The following TMEM163 variants were observed in gnomAD, a reference collection of about 807,000 sequenced individuals.
TMEM163 encodes transmembrane protein 163.
TMEM163 carries 17 observed loss-of-function variants against 29.3 expected under a neutral mutation model. That is an observed-to-expected ratio of 0.58 (90% CI 0.40 to 0.87). The LOEUF is 0.87. Among genes scored for constraint, TMEM163 ranks in the 40% least tolerant of loss-of-function variants. The pLI is 0.00. For synonymous variants in TMEM163, 157 were observed against 160.6 expected (o/e 0.98, Z 0.17); for missense variants, 303 against 381.5 (o/e 0.79, Z 1.71).
chr2:134,564,258 C>CA (rs1425239431), intron 2 of TMEM163, among the ~76,000 whole-genome samples: 1 of 152,148 alleles, frequency 6.6e-6, no homozygotes, highest in East Asian at 1.9e-4. Flanking sequence ...TTATATATTT[C>CA]AAAAGTACCC....
At chr2:134,650,179 G>T (rs1239584240) in intron 2 of TMEM163, among the ~76,000 whole-genome samples, 1 of 151,902 alleles carries the variant, frequency 6.6e-6, no homozygotes, top group Non-Finnish European at 1.5e-5. Flanking sequence ...GTATGTATAT[G>T]TATGTGTATA....
chr2:134,653,802 G>A (rs1453509801), intron 2 of TMEM163, among the ~76,000 whole-genome samples: 31 of 117,546 alleles, frequency 2.6e-4, no homozygotes, highest in African/African-American at 3.5e-4. Flanking sequence ...ATTTCGTTAC[G>A]TACCCAGTAG....
At chr2:134,530,954 A>G (rs1298563381) in intron 4 of TMEM163, among the ~76,000 whole-genome samples, 1 of 152,190 alleles carries the variant, frequency 6.6e-6, no homozygotes, top group Non-Finnish European at 1.5e-5. Flanking sequence ...GGAGAAACTG[A>G]CATATCCTTT....
chr2:134,582,962 T>C (rs1277029767), intron 2 of TMEM163, among the ~76,000 whole-genome samples: 1 of 152,202 alleles, frequency 6.6e-6, no homozygotes, highest in Admixed American at 6.5e-5. Flanking sequence ...AGATCTCTAC[T>C]CTGGGACCAT....
intron 4 of TMEM163, among the ~76,000 whole-genome samples, chr2:134,524,348 T>C (rs930077448): frequency 6.6e-6 from 1 of 151,010 alleles, no homozygotes; most frequent in Non-Finnish European, 1.5e-5. Context: ...ATCGATAACA[T>C]TTAATGCTGT....
At position 134,494,600 on chromosome 2, in the gene TMEM163, T is replaced by C. The variant is rs979114695; in HGVS notation, c.555+8301A>G. On this transcript the variant is annotated intron_variant, in intron 5 of 7. Transcript: ENST00000281924. The stretch of plus-strand genomic sequence containing the variant: ...CAGAGGCGCCAAAAGGCCCACCAAC[T>C]TGCTTGGAAGCCTCTCCTCTACTCC... 1.1e-4 allele frequency among the ~76,000 whole-genome samples: 16 copies of C among 152,200 alleles called. 1 individual carries two copies.
chr2:134,713,571 G>A (rs918989580), intron 1 of TMEM163: 8 of 617,452 alleles, frequency 1.3e-5, no homozygotes, highest in Admixed American at 4.2e-5. Flanking sequence ...GTCCTCTTTC[G>A]AAGAACTCCA....
chr2:134,541,209 C>A (rs1680658734), intron 4 of TMEM163, among the ~76,000 whole-genome samples: 1 of 152,216 alleles, frequency 6.6e-6, no homozygotes, highest in South Asian at 2.1e-4. Flanking sequence ...GAAATCCTGG[C>A]AACCCATTTC....
At chr2:134,492,286 G>T (rs539996525) in intron 5 of TMEM163, among the ~76,000 whole-genome samples, 2 of 152,320 alleles carry the variant, frequency 1.3e-5, no homozygotes, top group East Asian at 3.9e-4. Context: ...GATCTGAGCA[G>T]AATTGCTATT....
At chr2:134,672,619 C>T (rs1482552923) in intron 2 of TMEM163, among the ~76,000 whole-genome samples, 2 of 152,002 alleles carry the variant, frequency 1.3e-5, no homozygotes, top group Admixed American at 1.3e-4. Flanking sequence ...TAAAGCGATC[C>T]TCCCACTTCA....
intron 1 of TMEM163, among the ~76,000 whole-genome samples, chr2:134,715,019 G>T (rs570910169): frequency 6.6e-6 from 1 of 152,102 alleles, no homozygotes; most frequent in South Asian, 2.1e-4. Flanking sequence ...TTCCATCATG[G>T]CCAATTGATT....
intron 5 of TMEM163, among the ~76,000 whole-genome samples, chr2:134,495,789 C>A (rs554942848): frequency 6.6e-6 from 1 of 152,310 alleles, no homozygotes; most frequent in South Asian, 2.1e-4. Flanking sequence ...ACAGAAGATT[C>A]CAGTCTACCT....
chr2:134,527,865 T>C (rs1472828226), intron 4 of TMEM163, among the ~76,000 whole-genome samples: 1 of 152,200 alleles, frequency 6.6e-6, no homozygotes, highest in African/African-American at 2.4e-5. Context: ...ATGTTAGATA[T>C]AGGTCCAAAA....
At position 134,668,880 on chromosome 2, in the gene TMEM163, C is replaced by T. The variant is rs140969229; in HGVS notation, c.322+44320G>A. On this transcript the variant is annotated intron_variant, in intron 2 of 7. Transcript: ENST00000281924. ...TTGGAAGGCCAAACCTTGCCCAGTGCGGTCATTTCTCCACTTCAGTTGCTG... is the reference window on the plus strand; with the variant it reads ...TTGGAAGGCCAAACCTTGCCCAGTGTGGTCATTTCTCCACTTCAGTTGCTG... Among the ~76,000 whole-genome samples the T allele has an allele frequency of 1.7e-4, 26 of 152,290 alleles. 1 individual carries two copies. Among genetic ancestry groups the T allele is most frequent in the African/African-American group, 4.1e-4 (17 of 41,558 alleles).
rs528406278 is a variant in TMEM163 at position 134,708,694 on chromosome 2, C to A, written c.322+4506G>T. On this transcript the variant is annotated intron_variant, in intron 2 of 7. Transcript: ENST00000281924. ...CTCCGTCTCCTGGATTCGAGCAATT[C>A]TCCTGCCTCAGCCTCCCAAGTAGCA... Among the ~76,000 whole-genome samples the A allele has an allele frequency of 1.7e-4, 26 of 152,242 alleles. No homozygotes were observed. The East Asian group carries it at 4.8e-3, about 28-fold the overall frequency.
chr2:134,569,565 C>A (rs1346247875), intron 2 of TMEM163, among the ~76,000 whole-genome samples: 1 of 152,198 alleles, frequency 6.6e-6, no homozygotes, highest in Non-Finnish European at 1.5e-5. Context: ...TAGCCATAGT[C>A]ACATCCCCAG....
At chr2:134,673,153 G>A (rs946521813) in intron 2 of TMEM163, among the ~76,000 whole-genome samples, 4 of 151,990 alleles carry the variant, frequency 2.6e-5, no homozygotes, top group Non-Finnish European at 5.9e-5. Flanking sequence ...TACATACAAG[G>A]CCAGGTGGTA....
In TMEM163 at chr2:134,497,374, G is replaced by A. The variant is rs369657647; in HGVS notation, c.555+5527C>T. Among the ~76,000 whole-genome samples, 61 of 152,256 alleles carry A rather than the reference G, an allele frequency of 4.0e-4. No homozygotes were observed. In the South Asian group the frequency reaches 0.013, roughly 32 times the overall value. Reference sequence around the variant, plus strand: ...TTCATGTATTATTTATTGCCAACATGTGGCTGTTTATTATTCTAATTATAA... The same window carrying A: ...TTCATGTATTATTTATTGCCAACATATGGCTGTTTATTATTCTAATTATAA... On this transcript the variant is annotated intron_variant, in intron 5 of 7. Coordinates refer to ENST00000281924, the MANE Select transcript of TMEM163 (RefSeq NM_030923.5).
At chr2:134,554,399 G>A (rs909834553) in intron 2 of TMEM163, among the ~76,000 whole-genome samples, 1 of 142,804 alleles carries the variant, frequency 7.0e-6, no homozygotes, top group Admixed American at 7.0e-5. Context: ...GCCCCAGCTT[G>A]GTGACAGAGC....
Sources: allele counts gnomAD v4.1 joint callset (sites outside exome capture counted in the v4.1 genomes callset), GRCh38; gene constraint gnomAD v4.1.1; transcripts MANE v1.5; gene names NCBI Gene and HGNC (gene_info 2026-07-23, HGNC 2026-07-21).